Variants in CADPS observed in about 807,000 individuals in gnomAD.
CADPS encodes calcium-dependent secretion activator 1.
CADPS carries 57 observed loss-of-function variants against 167.3 expected under a neutral mutation model. The observed-to-expected ratio is 0.34, with a 90% confidence interval of 0.28 to 0.42. The LOEUF (loss-of-function observed/expected upper bound fraction) is 0.42. Ranked by LOEUF, CADPS falls within the 20% of genes least tolerant of loss-of-function variation. The pLI is 1.00. For missense variants in CADPS, 1,414 were observed against 1,738.1 expected (o/e 0.81, Z 3.32); for synonymous variants, 676 against 635.3 (o/e 1.06, Z -0.96).
At chr3:62,564,280 C>T (rs967539671) in intron 9 of CADPS, among the ~76,000 whole-genome samples, 1 of 152,090 alleles carries the variant, frequency 6.6e-6, no homozygotes, top group Non-Finnish European at 1.5e-5. Context: ...GGATTACAGG[C>T]GTGAACCACC....
chr3:62,730,214 C>T (rs1028324636), intron 3 of CADPS, among the ~76,000 whole-genome samples: 6 of 152,122 alleles, frequency 3.9e-5, no homozygotes, highest in Non-Finnish European at 5.9e-5. Flanking sequence ...ATTCCTACCC[C>T]GGTCCAGTGC....
At chr3:62,553,245 C>T (rs978685170) in intron 10 of CADPS, among the ~76,000 whole-genome samples, 4 of 152,156 alleles carry the variant, frequency 2.6e-5, no homozygotes, top group Non-Finnish European at 5.9e-5. Flanking sequence ...AAAGTCAGTT[C>T]ATGGAGTTAC....
At chr3:62,536,619 A>G (rs775868801) in intron 11 of CADPS, 38 bp from the exon 12 acceptor site, 2 of 1,597,506 alleles carry the variant, frequency 1.3e-6, no homozygotes, top group Non-Finnish European at 8.6e-7. Context: ...CACAATTTAG[A>G]GAAACACATC....
intron 6 of CADPS, among the ~76,000 whole-genome samples, chr3:62,613,217 C>T (rs930024272): frequency 5.3e-5 from 8 of 152,148 alleles, no homozygotes; most frequent in South Asian, 2.1e-4. Flanking sequence ...CAGAAGGAAG[C>T]GATCTACTTA....
intron 2 of CADPS, among the ~76,000 whole-genome samples, chr3:62,764,101 A>T (rs2086243903): frequency 6.6e-6 from 1 of 152,128 alleles, no homozygotes; most frequent in Admixed American, 6.6e-5. Context: ...AAATTTATAA[A>T]CTCTGGTGAA....
Position 62,412,751 on chromosome 3 carries a change from G to A in CADPS, c.3778-9566C>T, listed in dbSNP as rs1319934179. On this transcript the variant is annotated intron_variant, in intron 28 of 29. Transcript: ENST00000383710. The surrounding 1 kb of genome is among the most constrained non-coding windows in gnomAD (Gnocchi z 4.1). Reference sequence around the variant, plus strand: ...TGGGGGAAATTTCAAGGGGAGGCAAGAGTCCAGAAGGATCCTTTCTAAAAG... The same window carrying A: ...TGGGGGAAATTTCAAGGGGAGGCAAAAGTCCAGAAGGATCCTTTCTAAAAG... Among the ~76,000 whole-genome samples the A allele has an allele frequency of 2.0e-5, 3 of 152,192 alleles. No individual in the cohort carries two copies. Among genetic ancestry groups the A allele is most frequent in the Non-Finnish European group, 4.4e-5 (3 of 68,046 alleles).
At chr3:62,572,860 C>T (rs2081540660) in intron 8 of CADPS, among the ~76,000 whole-genome samples, 1 of 152,078 alleles carries the variant, frequency 6.6e-6, no homozygotes, top group South Asian at 2.1e-4. Flanking sequence ...TTGCATGTAA[C>T]CTAAGCACAT....
At chr3:62,402,826 G>A (rs1276006390) in intron 29 of CADPS, among the ~76,000 whole-genome samples, 3 of 152,190 alleles carry the variant, frequency 2.0e-5, no homozygotes, top group African/African-American at 2.4e-5. Context: ...GGCCTCTGCC[G>A]TATTTTTGTA....
intron 1 of CADPS, among the ~76,000 whole-genome samples, chr3:62,808,093 T>A (rs1317953689): frequency 6.6e-6 from 1 of 151,122 alleles, no homozygotes; most frequent in Non-Finnish European, 1.5e-5. Flanking sequence ...CAGACTGGTC[T>A]TGAACTCCTG....
At chr3:62,620,332 C>T (rs1169928051) in intron 6 of CADPS, among the ~76,000 whole-genome samples, 4 of 152,090 alleles carry the variant, frequency 2.6e-5, no homozygotes, top group Non-Finnish European at 5.9e-5. Flanking sequence ...GACTGAGCAC[C>T]ACAATCACAG....
intron 1 of CADPS, among the ~76,000 whole-genome samples, chr3:62,820,795 G>GTTTTTTTTTTT (rs5849504): frequency 3.8e-4 from 53 of 137,966 alleles, no homozygotes; most frequent in Non-Finnish European, 4.8e-4. Context: ...CTTTTTTTTG[G>GTTTTTTTTTTT]TTTTTTTTTT....
At chr3:62,721,140 A>ATTTTTTTT (rs1564299964) in intron 3 of CADPS, among the ~76,000 whole-genome samples, 26 of 77,476 alleles carry the variant, frequency 3.4e-4, no homozygotes, top group African/African-American at 1.5e-3. Context: ...TTTTTAAAAA[A>ATTTTTTTT]AAAAAGAAGA....
intron 11 of CADPS, among the ~76,000 whole-genome samples, chr3:62,538,683 A>T (rs1052554307): frequency 3.3e-5 from 5 of 152,142 alleles, no homozygotes; most frequent in Admixed American, 1.3e-4. Context: ...ATTGCCTTCA[A>T]TTATGATGGT....
intron 18 of CADPS, among the ~76,000 whole-genome samples, chr3:62,496,077 T>C (rs547143013): frequency 6.6e-6 from 1 of 151,080 alleles, no homozygotes; most frequent in East Asian, 1.9e-4. Context: ...TCTTTTCTTT[T>C]TTTTTTTTTT....
intron 1 of CADPS, among the ~76,000 whole-genome samples, chr3:62,774,087 G>GA (rs1314313188): frequency 2.6e-5 from 4 of 151,884 alleles, no homozygotes; most frequent in Admixed American, 2.0e-4. Context: ...AGCAGAAGAG[G>GA]AAAAAAATAG....
At chr3:62,450,003 A>G (rs1231634739) in intron 26 of CADPS, among the ~76,000 whole-genome samples, 1 of 152,152 alleles carries the variant, frequency 6.6e-6, no homozygotes, top group Non-Finnish European at 1.5e-5. Flanking sequence ...GTTCAACTAA[A>G]TGTAGCTGTG....
At chr3:62,432,255 C>A (rs933149439) in intron 28 of CADPS, among the ~76,000 whole-genome samples, 3 of 152,070 alleles carry the variant, frequency 2.0e-5, no homozygotes, top group Non-Finnish European at 4.4e-5. Context: ...TTAGTCCTCA[C>A]GAAAACTGTA....
In CADPS at chr3:62,503,675, G is replaced by A. The variant is rs138095169; in HGVS notation, c.2600-4407C>T. Among the ~76,000 whole-genome samples, 654 of 152,234 alleles carry A rather than the reference G, an allele frequency of 4.3e-3. 6 individuals are homozygous for A. Among genetic ancestry groups the A allele is most frequent in the African/African-American group, 0.014 (602 of 41,524 alleles). ...GGAATTCTCGTGGCTTTTATATTGT[G>A]GGTTGAATCATATATAAAAACTTGC... On this transcript the variant is annotated intron_variant, in intron 17 of 29. Transcript: ENST00000383710.
At chr3:62,697,544 G>C (rs577428008) in intron 3 of CADPS, among the ~76,000 whole-genome samples, 5 of 152,166 alleles carry the variant, frequency 3.3e-5, no homozygotes, top group African/African-American at 1.2e-4. Context: ...TTTTGCAGTT[G>C]TGGATCATGC....
Sources: allele counts gnomAD v4.1 joint callset (sites outside exome capture counted in the v4.1 genomes callset), GRCh38; gene constraint gnomAD v4.1.1; non-coding constraint Gnocchi (gnomAD v3.1); transcripts MANE v1.5; gene names NCBI Gene and HGNC (gene_info 2026-07-23, HGNC 2026-07-21).